The following CLPTM1L variants were observed in gnomAD, a reference collection of about 807,000 sequenced individuals.
CLPTM1L encodes CLPTM1 like.
In CLPTM1L, 38 loss-of-function variants were observed where a neutral mutation model predicts 70.9. The observed-to-expected ratio is 0.54, with a 90% CI of 0.41 to 0.70. The LOEUF (loss-of-function observed/expected upper bound fraction) is 0.70, where lower values mean the gene tolerates loss of function less well. Ranked by LOEUF, CLPTM1L falls within the 30% of genes least tolerant of loss-of-function variation. The pLI, the probability that CLPTM1L is intolerant of heterozygous loss-of-function variation, is 0.00. For synonymous variants in CLPTM1L, 339 were observed against 299.9 expected (o/e 1.13, Z -1.35); for missense variants, 652 against 705.9 (o/e 0.92, Z 0.87).
intron 10 of CLPTM1L, chr5:1,325,090 G>A (rs993062699): frequency 1.4e-5 from 8 of 555,166 alleles, no homozygotes; most frequent in Non-Finnish European, 2.6e-5. Flanking sequence ...CAGTGCCACC[G>A]CTTCAGTGAG....
At chr5:1,322,711 A>G (rs1200192931) in intron 13 of CLPTM1L, 166 bp downstream of exon 13, 22 of 725,440 alleles carry the variant, frequency 3.0e-5, no homozygotes, top group Non-Finnish European at 4.7e-5. Flanking sequence ...TTATCTGCTC[A>G]CAGCCTGGGG....
In CLPTM1L at chr5:1,322,920, G is replaced by C; in HGVS notation, c.1281-9C>G. 1.2e-6 allele frequency: 2 copies of C among 1,606,932 alleles called. No individual in the cohort carries two copies. Among genetic ancestry groups the C allele is most frequent in the African/African-American group, 2.7e-5 (2 of 74,222 alleles). On this transcript the variant is annotated splice_polypyrimidine_tract_variant and intron_variant, in intron 12 of 16. Coordinates refer to ENST00000320895, the MANE Select transcript of CLPTM1L (RefSeq NM_030782.5). Reference sequence around the variant, plus strand: ...TTAACCAGGAGTACCAGCTGAAACGGAAAAAAAAGGAGAAGTCCTATTTCT... The same window carrying C: ...TTAACCAGGAGTACCAGCTGAAACGCAAAAAAAAGGAGAAGTCCTATTTCT...
At chr5:1,326,361 G>GCTCCTCCTCTACAGACACATTTCATC (rs1752542874) in intron 9 of CLPTM1L, 1 of 133,564 alleles carries the variant, frequency 7.5e-6, no homozygotes, top group Non-Finnish European at 1.5e-5. Context: ...CACATTCCAT[G>GCTCCTCCTCTACAGACACATTTCATC]CAGCTCCTCC....
chr5:1,323,078 A>G (rs1015458528), intron 12 of CLPTM1L, among the ~76,000 whole-genome samples, 167 bp from the exon 13 acceptor site: 1 of 152,238 alleles, frequency 6.6e-6, no homozygotes, highest in Non-Finnish European at 1.5e-5. Context: ...CTCAAGCTGG[A>G]GATAGCGCTG....
chr5:1,339,633 C>T (rs1753816729), intron 3 of CLPTM1L, among the ~76,000 whole-genome samples: 2 of 89,746 alleles, frequency 2.2e-5, no homozygotes, highest in Non-Finnish European at 4.2e-5. Context: ...AAACTGTGCT[C>T]GGGACAGCAG....
At chr5:1,327,444 C>T (rs1752679570) in intron 9 of CLPTM1L, among the ~76,000 whole-genome samples, 1 of 146,790 alleles carries the variant, frequency 6.8e-6, no homozygotes, top group Non-Finnish European at 1.5e-5. Flanking sequence ...CATCCAGCTC[C>T]TCCTCTACAG....
At chr5:1,344,500 A>C (rs1353683129) in intron 1 of CLPTM1L, 49 bp from the exon 2 acceptor site, 2 of 1,552,070 alleles carry the variant, frequency 1.3e-6, no homozygotes, top group Admixed American at 3.4e-5. Context: ...CCCTGGCAGG[A>C]CGCACTCAAA....
chr5:1,332,282 T>C (rs1488896655), intron 7 of CLPTM1L: 1 of 189,760 alleles, frequency 5.3e-6, no homozygotes, highest in Non-Finnish European at 1.1e-5. Flanking sequence ...CCCATGCCTG[T>C]GATCCCAGCT....
At chr5:1,337,818 G>T in intron 5 of CLPTM1L, 86 bp downstream of exon 5, 2 of 1,057,186 alleles carry the variant, frequency 1.9e-6, no homozygotes, top group East Asian at 2.5e-5. Context: ...CAATGGCCCG[G>T]TCCATTAGGG....
intron 5 of CLPTM1L, among the ~76,000 whole-genome samples, chr5:1,335,849 A>G (rs1359566200): frequency 6.6e-6 from 1 of 152,214 alleles, no homozygotes; most frequent in Non-Finnish European, 1.5e-5. Context: ...ACCCTACAGC[A>G]CGTGGGCAGT....
At chr5:1,332,593 C>A (rs1362053753) in intron 7 of CLPTM1L, among the ~76,000 whole-genome samples, 1 of 152,222 alleles carries the variant, frequency 6.6e-6, no homozygotes, top group Admixed American at 6.5e-5. Flanking sequence ...AGCAGCTCAG[C>A]TCCACGAACA....
At chr5:1,332,631 A>C (rs1753169653) in intron 7 of CLPTM1L, among the ~76,000 whole-genome samples, 1 of 152,114 alleles carries the variant, frequency 6.6e-6, no homozygotes, top group Non-Finnish European at 1.5e-5. Flanking sequence ...GCCTTGCTTT[A>C]CCCATGGTTT....
intron 3 of CLPTM1L, among the ~76,000 whole-genome samples, chr5:1,340,558 C>G (rs1373376995): frequency 3.9e-4 from 60 of 152,326 alleles, no homozygotes. Flanking sequence ...ATGCCCATCA[C>G]CCCACCCACT....
chr5:1,321,238 G>C (rs1375817102), intron 15 of CLPTM1L, among the ~76,000 whole-genome samples: 1 of 152,266 alleles, frequency 6.6e-6, no homozygotes, highest in African/African-American at 2.4e-5. Flanking sequence ...AGCCAAGGGG[G>C]CCTCCACAGC....
chr5:1,333,057 T>A (rs1753225692), intron 7 of CLPTM1L, among the ~76,000 whole-genome samples: 1 of 109,596 alleles, frequency 9.1e-6, no homozygotes, highest in African/African-American at 3.8e-5. Flanking sequence ...ACACACCGGA[T>A]GAGGATAAGG....
At chr5:1,326,933 ACACATTTCATCCAGCTCCTCCTCTACG>A (rs1752621502) in intron 9 of CLPTM1L, among the ~76,000 whole-genome samples, 2 of 136,328 alleles carry the variant, frequency 1.5e-5, no homozygotes, top group Non-Finnish European at 1.6e-5. Flanking sequence ...TCCTCTACGG[ACACATTTCATCCAGCTCCTCCTCTACG>A]GACACATTCC....
chr5:1,318,486 C>T lies in CLPTM1L; in HGVS notation c.1533-33G>A. On this transcript the variant is annotated intron_variant, in intron 16 of 16. Coordinates refer to ENST00000320895, the MANE Select transcript of CLPTM1L (RefSeq NM_030782.5). The surrounding 1 kb of genome is among the most constrained non-coding windows in gnomAD (Gnocchi z 8.9). Reference sequence around the variant, plus strand: ...GACACAAATGAGCACATCAGCAAACCCCACTGCAGGGGCTATTTTTCTAAG... The same window carrying T: ...GACACAAATGAGCACATCAGCAAACTCCACTGCAGGGGCTATTTTTCTAAG... 1 of 1,563,284 alleles carries T rather than the reference C, an allele frequency of 6.4e-7. No individual in the cohort carries two copies. The highest frequency in any genetic ancestry group is 8.8e-7 in the Non-Finnish European group (1 of 1,136,036).
chr5:1,342,091 C>A lies in CLPTM1L; in HGVS notation c.264-231G>T, dbSNP rs1243152037. Among the ~76,000 whole-genome samples, 2 of 151,810 alleles carry A rather than the reference C, an allele frequency of 1.3e-5. No homozygotes were observed. The highest frequency in any genetic ancestry group is 2.9e-5 in the Non-Finnish European group (2 of 67,996). On this transcript the variant is annotated intron_variant, in intron 2 of 16. Transcript: ENST00000320895. This position sits in a 1 kb window ranked among gnomAD's most constrained non-coding sequence, Gnocchi z 4.3. ...AACTCGGCACAGGTGTGGGCGCCTA[C>A]AGCCGAAAGCAAAACGGCCCGCACT... is the stretch of plus-strand genomic sequence containing the variant.
chr5:1,324,057 G>A (rs1752353529), intron 11 of CLPTM1L, 188 bp from the exon 12 acceptor site: 1 of 597,198 alleles, frequency 1.7e-6, no homozygotes. Context: ...AGCCCCAGGA[G>A]GCACCGCACA....
Sources: gnomAD v4.1 joint callset for allele counts (sites outside exome capture counted in the v4.1 genomes callset) on GRCh38, gnomAD v4.1.1 for gene constraint, Gnocchi (gnomAD v3.1) non-coding constraint, MANE v1.5 for transcripts, NCBI Gene and HGNC (gene_info 2026-07-23, HGNC 2026-07-21) for gene names.